The following GORASP2 variants were observed in gnomAD, a reference collection of about 807,000 sequenced individuals.
GORASP2 encodes golgi reassembly stacking protein 2, also known as Golgi reassembly-stacking protein 2.
GORASP2 carries 22 observed loss-of-function variants against 45.7 expected under a neutral mutation model. The ratio of observed to expected loss-of-function variants is 0.48; its 90% CI spans 0.34 to 0.69. The LOEUF (loss-of-function observed/expected upper bound fraction) is 0.69, where lower values mean the gene tolerates loss of function less well. Ranked by LOEUF, GORASP2 falls within the 30% of genes least tolerant of loss-of-function variation. The pLI is 0.01. For synonymous variants in GORASP2, 221 were observed against 215.6 expected (o/e 1.02, Z -0.22); for missense variants, 491 against 562.7 (o/e 0.87, Z 1.29).
At chr2:170,930,997 T>G (rs1283548756) in intron 1 of GORASP2, among the ~76,000 whole-genome samples, 2 of 147,388 alleles carry the variant, frequency 1.4e-5, no homozygotes, top group Non-Finnish European at 3.0e-5. Flanking sequence ...AAAAGTCGCG[T>G]GTTTGAAAGA....
chr2:170,931,169 G>A (rs183487049), intron 1 of GORASP2, among the ~76,000 whole-genome samples: 97 of 152,236 alleles, frequency 6.4e-4, no homozygotes, highest in Middle Eastern at 3.4e-3. Flanking sequence ...AGAAAAACTA[G>A]GGACAACCTT....
rs111944100 is a variant in GORASP2 at position 170,948,005 on chromosome 2, T to G, written c.64-345T>G. 5.9e-5 allele frequency among the ~76,000 whole-genome samples: 9 copies of G among 152,204 alleles called. 1 individual carries two copies. Among genetic ancestry groups the G allele is most frequent in the African/African-American group, 2.2e-4 (9 of 41,536 alleles). On this transcript the variant is annotated intron_variant, in intron 1 of 9. Transcript: ENST00000234160. ...ACATGGTGGTACGCACCTATAGTCC[T>G]CCCAGGTACTCGGGAGGCTGAGGCA...
At chr2:170,949,463 C>T (rs574976732) in intron 2 of GORASP2, 76 bp from the exon 3 acceptor site, 2 of 946,550 alleles carry the variant, frequency 2.1e-6, no homozygotes, top group East Asian at 2.5e-5. Context: ...TAATATTACT[C>T]TTATAGGGCC....
intron 1 of GORASP2, among the ~76,000 whole-genome samples, chr2:170,939,857 T>G (rs1704033145): frequency 6.6e-6 from 1 of 152,240 alleles, no homozygotes; most frequent in Non-Finnish European, 1.5e-5. Context: ...TTCCCATCAT[T>G]TTGATCACCT....
At chr2:170,932,028 C>G (rs1028001516) in intron 1 of GORASP2, among the ~76,000 whole-genome samples, 16 of 152,190 alleles carry the variant, frequency 1.1e-4, no homozygotes, top group Admixed American at 3.3e-4. Context: ...GAGTTCGAGA[C>G]CAGCCTGACC....
intron 5 of GORASP2, among the ~76,000 whole-genome samples, chr2:170,951,897 G>C (rs961517953): frequency 2.6e-5 from 4 of 152,178 alleles, no homozygotes; most frequent in African/African-American, 9.7e-5. Flanking sequence ...TTCGCCACAA[G>C]TATTCTAACT....
Position 170,962,848 on chromosome 2 carries a change from C to T in GORASP2, c.920C>T (p.Pro307Leu), listed in dbSNP as rs1296901505. Residue 307 changes from proline to leucine, a missense_variant, in exon 9 of 10, where the codon CCT (proline) becomes CTT (leucine). Physicochemically the swap from Pro to Leu is moderately conservative, Grantham distance 98. Coordinates refer to ENST00000234160, the MANE Select transcript of GORASP2 (RefSeq NM_015530.5). ...TCTGCCTTCTCTTCAGGTCTGATGC[C>T]TTTACCAGCAGGACTGCCCAACCTC... The part of the protein sequence containing the change: ...NPATTLPGLM[P>L]LPAGLPNLPN... The T allele has an allele frequency of 6.2e-7, 1 of 1,612,108 alleles. No individual in the cohort carries two copies. The highest frequency in any genetic ancestry group is 8.5e-7 in the Non-Finnish European group (1 of 1,178,350).
intron 3 of GORASP2, 40 bp from the exon 4 acceptor site, chr2:170,950,164 A>G (rs1704268373): frequency 1.1e-6 from 1 of 938,318 alleles, no homozygotes; most frequent in Non-Finnish European, 1.7e-6. Context: ...AGATTATTTT[A>G]TATATATTAA....
At chr2:170,963,395 T>C (rs1450204039) in intron 9 of GORASP2, among the ~76,000 whole-genome samples, 7 of 145,782 alleles carry the variant, frequency 4.8e-5, no homozygotes, top group Non-Finnish European at 9.0e-5. Context: ...AAAAAAAGCT[T>C]AAGAGGAAAG....
At chr2:170,937,797 A>G (rs62170031) in intron 1 of GORASP2, among the ~76,000 whole-genome samples, 17,891 of 152,120 alleles carry the variant, frequency 0.12, 1,427 homozygotes, top group Middle Eastern at 0.2. Context: ...TAGACAGTAA[A>G]GTGAGATCCT....
chr2:170,936,683 A>T, intron 1 of GORASP2: 1 of 1,282,408 alleles, frequency 7.8e-7, no homozygotes, highest in Non-Finnish European at 1.0e-6. Flanking sequence ...GCCGGGCATA[A>T]TGGTGTGCAC....
At chr2:170,964,892 A>ATTTTTTTTT (rs1199571345) in intron 9 of GORASP2, among the ~76,000 whole-genome samples, 2 of 64,702 alleles carry the variant, frequency 3.1e-5, no homozygotes, top group Non-Finnish European at 5.5e-5. Flanking sequence ...ATGCATTTTA[A>ATTTTTTTTT]TTTTTTTTTT....
At chr2:170,941,161 G>A (rs1704069256) in intron 1 of GORASP2, among the ~76,000 whole-genome samples, 1 of 151,506 alleles carries the variant, frequency 6.6e-6, no homozygotes, top group African/African-American at 2.4e-5. Flanking sequence ...TTTTTATTTT[G>A]TAAGCTAACC....
In GORASP2 at chr2:170,949,747, G is replaced by T. The variant is rs766896326; in HGVS notation, c.348+5G>T. ...GAAAATGTTTGGCATGTGCTGGTAC[G>T]TATCAACTGTGAACTGTTACTGGAG... On this transcript the variant is annotated splice_donor_5th_base_variant and intron_variant, in intron 3 of 9. Coordinates refer to ENST00000234160, the MANE Select transcript of GORASP2 (RefSeq NM_015530.5). 2 of 1,590,710 alleles carry T rather than the reference G, an allele frequency of 1.3e-6. No homozygotes were observed.
Position 170,951,315 on chromosome 2 carries a change from G to T in GORASP2, c.436-13G>T. ...GGTAACGTGAAACATTTTCTCCTGTGACACTTTTGCAGTCTGAAGATCTAT... is the reference window on the plus strand; with the variant it reads ...GGTAACGTGAAACATTTTCTCCTGTTACACTTTTGCAGTCTGAAGATCTAT... On this transcript the variant is annotated splice_polypyrimidine_tract_variant and intron_variant, in intron 4 of 9. Transcript: ENST00000234160. 6.3e-7 allele frequency: 1 copy of T among 1,585,234 alleles called. No individual in the cohort carries two copies. Among genetic ancestry groups the T allele is most frequent in the South Asian group, 1.2e-5 (1 of 86,126 alleles).
At chr2:170,936,737 G>A (rs890335634) in intron 1 of GORASP2, 1 of 863,822 alleles carries the variant, frequency 1.2e-6, no homozygotes, top group Non-Finnish European at 1.7e-6. Context: ...GGTGAGGTGG[G>A]GGCCCAAGAG....
intron 1 of GORASP2, chr2:170,929,949 C>T (rs954608017): frequency 8.4e-6 from 3 of 358,544 alleles, no homozygotes; most frequent in African/African-American, 2.2e-5. Flanking sequence ...GAAGTAGGTT[C>T]GACGGACTTA....
intron 1 of GORASP2, among the ~76,000 whole-genome samples, chr2:170,932,803 G>A (rs1256948732): frequency 6.6e-6 from 1 of 152,118 alleles, no homozygotes; most frequent in Non-Finnish European, 1.5e-5. Context: ...ATAATATGAC[G>A]TATTCAAGGA....
At chr2:170,943,670 C>CTTAT (rs1046002265) in intron 1 of GORASP2, among the ~76,000 whole-genome samples, 6 of 151,996 alleles carry the variant, frequency 3.9e-5, no homozygotes, top group South Asian at 4.2e-4. Flanking sequence ...CTTTTAAAAT[C>CTTAT]TTATTTATTT....
Sources: gnomAD v4.1 joint callset for allele counts (sites outside exome capture counted in the v4.1 genomes callset) on GRCh38, gnomAD v4.1.1 for gene constraint, MANE v1.5 for transcripts, NCBI Gene and HGNC (gene_info 2026-07-23, HGNC 2026-07-21) for gene names.